ACTL6A: variants seen among roughly 807,000 people sequenced by gnomAD.
The protein encoded by ACTL6A is actin like 6A.
Under a neutral mutation model 59.2 loss-of-function variants are expected in ACTL6A, and 5 were observed. The ratio of observed to expected loss-of-function variants is 0.08; its 90% CI spans 0.04 to 0.18. The LOEUF is 0.18. ACTL6A is among the 10% of genes least tolerant of loss of function. The pLI is 1.00. For missense variants in ACTL6A, 285 were observed against 526.9 expected (o/e 0.54, Z 4.49); for synonymous variants, 154 against 171.8 (o/e 0.90, Z 0.81).
intron 8 of ACTL6A, among the ~76,000 whole-genome samples, chr3:179,579,489 C>CACACACACACACAT (rs966245251): frequency 3.3e-5 from 5 of 151,518 alleles, no homozygotes; most frequent in African/African-American, 1.2e-4. Context: ...CACACACACA[C>CACACACACACACAT]ATTTTAAAGA....
intron 8 of ACTL6A, among the ~76,000 whole-genome samples, chr3:179,578,457 G>T (rs963373583): frequency 6.6e-6 from 1 of 151,724 alleles, no homozygotes; most frequent in Non-Finnish European, 1.5e-5. Flanking sequence ...CCATTTCAAA[G>T]AAAAAGAAAA....
rs906622588 is a variant in ACTL6A, at chr3:179,581,156, C to T, written c.962C>T (p.Thr321Ile). 1 of 1,613,874 alleles carries T rather than the reference C, an allele frequency of 6.2e-7. No individual in the cohort carries two copies. The highest frequency in any genetic ancestry group is 8.5e-7 in the Non-Finnish European group (1 of 1,179,908). ...TTGTTGTAGGGGTTATCAGGAAACA[C>T]AATGTTAGGAGTCAGTCATGTTGTC... The part of the protein sequence containing the change: ...PSNVKGLSGN[T>I]MLGVSHVVTT... The change falls in exon 11 of 14, where the codon ACA (threonine) becomes ATA (isoleucine). Residue 321 changes from threonine (T) to isoleucine (I), a missense_variant. Physicochemically the swap from Thr to Ile is moderately conservative, Grantham distance 89. Coordinates refer to ENST00000429709, the MANE Select transcript of ACTL6A (RefSeq NM_004301.5).
At position 179,562,967 on chromosome 3, in the gene ACTL6A, G is replaced by A. The variant is rs1396109129; in HGVS notation, c.-126G>A. 1.2e-5 allele frequency: 16 copies of A among 1,302,140 alleles called. No homozygotes were observed. Among genetic ancestry groups the A allele is most frequent in the East Asian group, 2.5e-5 (1 of 40,066 alleles). 80.7% of individuals were successfully genotyped at this position (1,302,140 alleles called of 1,614,324 possible). On this transcript the variant is annotated 5_prime_UTR_variant, in exon 1 of 14. Transcript: ENST00000429709. ...CGGGGTGTGTGGACGCCGCTTTGTT[G>A]CCTGAGGTGGGTGGCGGTGGAAGTT... is the stretch of plus-strand genomic sequence containing the variant.
chr3:179,576,179 G>A (rs764989960), intron 5 of ACTL6A, 38 bp from the exon 6 acceptor site: 67 of 1,435,630 alleles, frequency 4.7e-5, no homozygotes, highest in Non-Finnish European at 5.8e-5. Flanking sequence ...TTATTTTAGC[G>A]GCCTTGATAC....
At chr3:179,575,600 A>C in intron 5 of ACTL6A, 2 of 373,788 alleles carry the variant, frequency 5.4e-6, no homozygotes, top group Non-Finnish European at 1.0e-5. Flanking sequence ...TGAATGAGTG[A>C]ATGTCCCTAC....
intron 13 of ACTL6A, among the ~76,000 whole-genome samples, chr3:179,586,934 T>C (rs1718513344): frequency 6.6e-6 from 1 of 152,086 alleles, no homozygotes. Context: ...TTGTCTGGAG[T>C]GCATTTAAAA....
In ACTL6A at chr3:179,570,014, A is replaced by C. The variant is rs542816854; in HGVS notation, c.103-53A>C. The C allele has an allele frequency of 2.6e-4, 407 of 1,586,028 alleles. No homozygotes were observed. Among genetic ancestry groups the C allele is most frequent in the Non-Finnish European group, 3.4e-4 (399 of 1,166,566 alleles). Reference sequence around the variant, plus strand: ...ATAAAATACATTAATTGGGGAAAAAATGCCTTCTTGATGAAAGGTGAAACT... The same window carrying C: ...ATAAAATACATTAATTGGGGAAAAACTGCCTTCTTGATGAAAGGTGAAACT... On this transcript the variant is annotated intron_variant, in intron 2 of 13. Transcript: ENST00000429709. This position sits in a 1 kb window ranked among gnomAD's most constrained non-coding sequence, Gnocchi z 4.3.
chr3:179,576,924 C>T lies in ACTL6A; in HGVS notation c.768+11C>T. On this transcript the variant is annotated intron_variant, in intron 8 of 13. Coordinates refer to ENST00000429709, the MANE Select transcript of ACTL6A (RefSeq NM_004301.5). ...AATTATATGTGTAATGTAAGTAACCCTCATTCTCTTTACAAAAATGTTACA... is the reference window on the plus strand; with the variant it reads ...AATTATATGTGTAATGTAAGTAACCTTCATTCTCTTTACAAAAATGTTACA... 6.3e-7 allele frequency: 1 copy of T among 1,597,724 alleles called. No homozygotes were observed. The highest frequency in any genetic ancestry group is 2.2e-5 in the East Asian group (1 of 44,746).
At chr3:179,567,608 T>G (rs1315407815) in intron 1 of ACTL6A, among the ~76,000 whole-genome samples, 1 of 152,226 alleles carries the variant, frequency 6.6e-6, no homozygotes, top group Non-Finnish European at 1.5e-5. Flanking sequence ...TTAATTCATT[T>G]AATTAGGATA....
intron 8 of ACTL6A, 49 bp downstream of exon 8, chr3:179,576,962 G>T: frequency 1.3e-6 from 2 of 1,501,160 alleles, no homozygotes; most frequent in Non-Finnish European, 1.8e-6. Flanking sequence ...CTTTTTGCAT[G>T]AGTATTAAAA....
At chr3:179,575,902 A>T (rs946102391) in intron 5 of ACTL6A, among the ~76,000 whole-genome samples, 1 of 152,180 alleles carries the variant, frequency 6.6e-6, no homozygotes, top group African/African-American at 2.4e-5. Context: ...GTTTGTTGTA[A>T]GCTCTTTGAT....
chr3:179,576,582 C>A, intron 6 of ACTL6A, 38 bp from the exon 7 acceptor site: 1 of 1,517,234 alleles, frequency 6.6e-7, no homozygotes, highest in South Asian at 1.1e-5. Flanking sequence ...GAAGTTTGGA[C>A]TTACTGCCCT....
intron 11 of ACTL6A, 90 bp from the exon 12 acceptor site, chr3:179,583,263 G>A (rs77765357): frequency 0.063 from 62,315 of 991,572 alleles, 2,390 homozygotes; most frequent in Non-Finnish European, 0.082. Flanking sequence ...AAGGGAAATT[G>A]TAGTAGAGCA....
chr3:179,568,198 T>G (rs369060379), intron 1 of ACTL6A, among the ~76,000 whole-genome samples: 2 of 149,624 alleles, frequency 1.3e-5, no homozygotes, highest in South Asian at 2.1e-4. Flanking sequence ...AAAAAAGAGA[T>G]CATTCTGCAA....
chr3:179,565,240 C>T (rs1225893351), intron 1 of ACTL6A, among the ~76,000 whole-genome samples: 1 of 151,484 alleles, frequency 6.6e-6, no homozygotes, highest in Non-Finnish European at 1.5e-5. Context: ...AGTTCAAGAC[C>T]AGCTTGGCCA....
At chr3:179,573,878 A>G (rs1169806456) in intron 4 of ACTL6A, among the ~76,000 whole-genome samples, 1 of 152,178 alleles carries the variant, frequency 6.6e-6, no homozygotes, top group East Asian at 1.9e-4. Flanking sequence ...TTCTGGACCA[A>G]AGTCTCTTGT....
intron 1 of ACTL6A, among the ~76,000 whole-genome samples, chr3:179,563,380 G>T (rs1410402056): frequency 1.3e-5 from 2 of 152,184 alleles, no homozygotes; most frequent in African/African-American, 4.8e-5. Flanking sequence ...TGGGGTGCGC[G>T]CTCGGTTCTC....
At position 179,582,189 on chromosome 3, in the gene ACTL6A, T is replaced by C. The variant is rs932607752; in HGVS notation, c.1026+969T>C. Among the ~76,000 whole-genome samples, 4 of 152,352 alleles carry C rather than the reference T, an allele frequency of 2.6e-5. No homozygotes were observed. In the Middle Eastern group the frequency reaches 0.01, roughly 389 times the overall value. On this transcript the variant is annotated intron_variant, in intron 11 of 13. Transcript: ENST00000429709. Reference sequence around the variant, plus strand: ...TTTAGCGCAAATACAATTCCACCTTTCGGGGAAGGTAATTGAATTGAAGTA... The same window carrying C: ...TTTAGCGCAAATACAATTCCACCTTCCGGGGAAGGTAATTGAATTGAAGTA...
intron 1 of ACTL6A, among the ~76,000 whole-genome samples, chr3:179,566,097 G>A (rs1008230628): frequency 3.9e-5 from 6 of 152,160 alleles, no homozygotes; most frequent in Non-Finnish European, 8.8e-5. Context: ...GTGGACTGGT[G>A]GTCAGCAATG....
Sources: gnomAD v4.1 joint callset for allele counts (sites outside exome capture counted in the v4.1 genomes callset) on GRCh38, gnomAD v4.1.1 for gene constraint, Gnocchi (gnomAD v3.1) non-coding constraint, MANE v1.5 for transcripts, NCBI Gene and HGNC (gene_info 2026-07-23, HGNC 2026-07-21) for gene names.